NFIA: variants seen among roughly 807,000 people sequenced by gnomAD.
The protein encoded by NFIA is nuclear factor I A.
NFIA carries 8 observed loss-of-function variants against 62.8 expected under a neutral mutation model. The observed-to-expected ratio is 0.13, with a 90% confidence interval of 0.07 to 0.23. NFIA has a LOEUF of 0.23. Among genes scored for constraint, NFIA ranks in the 10% least tolerant of loss-of-function variants. The pLI is 1.00. For synonymous variants in NFIA, 235 were observed against 238.1 expected, an observed-to-expected ratio of 0.99 and a Z score of 0.12; for missense variants, 410 against 642.1, an observed-to-expected ratio of 0.64 and a Z score of 3.91.
chr1:61,224,746 T>C (rs1654223121), intron 2 of NFIA, among the ~76,000 whole-genome samples: 1 of 152,158 alleles, frequency 6.6e-6, no homozygotes, highest in African/African-American at 2.4e-5. Flanking sequence ...TCCATTGCAA[T>C]TTACTCTAAG....
At chr1:61,218,333 A>G (rs333142) in intron 2 of NFIA, among the ~76,000 whole-genome samples, 10,336 of 152,286 alleles carry the variant, frequency 0.068, 474 homozygotes, top group East Asian at 0.2. Context: ...CAAGAGGTCA[A>G]AGAATCACGA....
intron 2 of NFIA, among the ~76,000 whole-genome samples, chr1:61,258,056 G>A (rs1161670861): frequency 1.3e-5 from 2 of 151,802 alleles, no homozygotes; most frequent in Non-Finnish European, 2.9e-5. Context: ...CCTTGAAAGT[G>A]TGTATTATTT....
intron 10 of NFIA, among the ~76,000 whole-genome samples, chr1:61,441,715 T>C (rs1419041411): frequency 1.3e-5 from 2 of 152,232 alleles, no homozygotes; most frequent in African/African-American, 2.4e-5. Flanking sequence ...TCACATCTTA[T>C]AATGATTTTA....
intron 2 of NFIA, among the ~76,000 whole-genome samples, chr1:61,097,276 G>A (rs1046707384): frequency 2.6e-5 from 4 of 152,132 alleles, no homozygotes; most frequent in Non-Finnish European, 5.9e-5. Context: ...TCCAGACATA[G>A]ACAGTTCTCA....
In NFIA at chr1:61,392,222, T is replaced by C. The variant is rs979308981; in HGVS notation, c.1075+8857T>C. ...ACTAAAGAAAAAGCAGCTTTTTTCT[T>C]TTTTTTTTGCAGAGGTCCTTTAAGT... On this transcript the variant is annotated intron_variant, in intron 7 of 10. Transcript: ENST00000403491. Among the ~76,000 whole-genome samples, 9 of 150,880 alleles carry C rather than the reference T, an allele frequency of 6.0e-5. No individual in the cohort carries two copies. In the East Asian group the frequency reaches 1.2e-3, roughly 19 times the overall value.
intron 2 of NFIA, among the ~76,000 whole-genome samples, chr1:61,258,318 A>G (rs1438907125): frequency 6.6e-6 from 1 of 152,224 alleles, no homozygotes; most frequent in Non-Finnish European, 1.5e-5. Context: ...GAAACAGGCT[A>G]CATGTTGGAG....
At chr1:61,256,457 AAT>A (rs901266602) in intron 2 of NFIA, among the ~76,000 whole-genome samples, 1 of 145,264 alleles carries the variant, frequency 6.9e-6, no homozygotes, top group Non-Finnish European at 1.5e-5. Context: ...AAAAAAAAAA[AAT>A]CTCATAATGT....
Position 61,219,826 on chromosome 1 carries a change from C to T in NFIA, c.560-57694C>T, listed in dbSNP as rs117158540. Among the ~76,000 whole-genome samples, 688 of 151,740 alleles carry T rather than the reference C, an allele frequency of 4.5e-3. 3 individuals carry two copies. Among genetic ancestry groups the T allele is most frequent in the East Asian group, 0.017 (85 of 5,132 alleles). On this transcript the variant is annotated intron_variant, in intron 2 of 10. Coordinates refer to ENST00000403491, the MANE Select transcript of NFIA (RefSeq NM_001134673.4). ...TAAGCATAGAAAAATTAGTGGGGCG[C>T]AGTGGCCCACGCCTTAGTCCCAGCT...
At chr1:61,192,468 A>G (rs12022380) in intron 2 of NFIA, among the ~76,000 whole-genome samples, 48,245 of 151,860 alleles carry the variant, frequency 0.32, 8,921 homozygotes, top group East Asian at 0.58. Context: ...TTGGGAGGCC[A>G]TGGTGGGCAG....
intron 10 of NFIA, among the ~76,000 whole-genome samples, chr1:61,451,074 T>G (rs1668034454): frequency 6.6e-6 from 1 of 152,192 alleles, no homozygotes; most frequent in Admixed American, 6.5e-5. Flanking sequence ...GATTGCTCTC[T>G]GTGAGGCGTA....
intron 2 of NFIA, among the ~76,000 whole-genome samples, chr1:61,185,085 T>G (rs1651065334): frequency 6.6e-6 from 1 of 152,236 alleles, no homozygotes; most frequent in Admixed American, 6.5e-5. Flanking sequence ...TATGAAAATT[T>G]GGCAGGCTTT....
chr1:61,308,122 T>C (rs936046441), intron 3 of NFIA, among the ~76,000 whole-genome samples: 3 of 152,224 alleles, frequency 2.0e-5, no homozygotes, highest in Non-Finnish European at 1.5e-5. Context: ...CTGGTAGTAC[T>C]TGGATTTATT....
At position 61,088,794 on chromosome 1, in the gene NFIA, A is replaced by AAC; in HGVS notation, c.559+115_559+116insCA. 1.6e-6 allele frequency: 2 copies of AAC among 1,233,578 alleles called. No individual in the cohort carries two copies. Among genetic ancestry groups the AAC allele is most frequent in the Non-Finnish European group, 2.2e-6 (2 of 895,154 alleles). The allele number at this position is 1,233,578 out of a possible 1,614,324, so 76.4% of individuals were successfully genotyped here. ...CCCCAAGTTGCAGGCCACGTACATG[A>AAC]AGCCAGTGTGGTTTCAAAGATTGAG... is the stretch of plus-strand genomic sequence containing the variant. On this transcript the variant is annotated intron_variant, in intron 2 of 10. Coordinates refer to ENST00000403491, the MANE Select transcript of NFIA (RefSeq NM_001134673.4). This position sits in a 1 kb window ranked among gnomAD's most constrained non-coding sequence, Gnocchi z 4.5.
intron 1 of NFIA, among the ~76,000 whole-genome samples, chr1:61,085,899 A>G (rs928315081): frequency 6.6e-6 from 1 of 152,148 alleles, no homozygotes; most frequent in African/African-American, 2.4e-5. Flanking sequence ...TGGCAGGTAA[A>G]CAGAATCCTG....
At chr1:61,081,861 T>G, upstream of NFIA, 2 of 1,535,486 alleles carry the variant, frequency 1.3e-6, no homozygotes, top group Non-Finnish European at 1.7e-6. Flanking sequence ...CTGGAGAGAT[T>G]ACAATGCTTT....
intron 2 of NFIA, among the ~76,000 whole-genome samples, chr1:61,129,885 C>T (rs1260223167): frequency 6.6e-6 from 1 of 152,104 alleles, no homozygotes; most frequent in Non-Finnish European, 1.5e-5. Context: ...GGAGACATTC[C>T]TACTCCTACA....
At chr1:61,148,168 AG>A (rs904102236) in intron 2 of NFIA, among the ~76,000 whole-genome samples, 2 of 152,156 alleles carry the variant, frequency 1.3e-5, no homozygotes, top group African/African-American at 4.8e-5. Context: ...CTAATGTAGT[AG>A]GTACTCATTA....
intron 2 of NFIA, among the ~76,000 whole-genome samples, chr1:61,150,510 A>G (rs1052029440): frequency 6.6e-6 from 1 of 152,224 alleles, no homozygotes; most frequent in African/African-American, 2.4e-5. Context: ...TTCTATAACT[A>G]GAAATGCTTT....
chr1:61,355,407 G>A (rs1662885101), intron 5 of NFIA, among the ~76,000 whole-genome samples: 1 of 152,076 alleles, frequency 6.6e-6, no homozygotes, highest in African/African-American at 2.4e-5. Flanking sequence ...ATCATAGAAA[G>A]AGCAGTGTAA....
Sources: allele counts gnomAD v4.1 joint callset (sites outside exome capture counted in the v4.1 genomes callset), GRCh38; gene constraint gnomAD v4.1.1; non-coding constraint Gnocchi (gnomAD v3.1); transcripts MANE v1.5; gene names NCBI Gene and HGNC (gene_info 2026-07-23, HGNC 2026-07-21).